The following ERMARD variants were observed in gnomAD, a reference collection of about 807,000 sequenced individuals.
The protein encoded by ERMARD is ER membrane associated RNA degradation.
Under a neutral mutation model 83.9 loss-of-function variants are expected in ERMARD, and 71 were observed. That is an observed-to-expected ratio of 0.85 (90% CI 0.70 to 1.03). The LOEUF (loss-of-function observed/expected upper bound fraction) is 1.03. Among genes scored for constraint, ERMARD ranks in the 50% least tolerant of loss-of-function variants. The probability of loss-of-function intolerance (pLI) is 0.00; values close to 1 mark genes in which losing one functional copy is unlikely to be tolerated. For missense variants in ERMARD, 838 were observed against 810.9 expected, an observed-to-expected ratio of 1.03 and a Z score of -0.41; for synonymous variants, 284 against 298.6, an observed-to-expected ratio of 0.95 and a Z score of 0.50.
intron 11 of ERMARD, among the ~76,000 whole-genome samples, chr6:169,768,690 C>T (rs1792514593): frequency 6.6e-6 from 1 of 152,146 alleles, no homozygotes; most frequent in African/African-American, 2.4e-5. Context: ...GGCTTGAACC[C>T]AGGAGGCAGA....
At chr6:169,771,749 C>T (rs1261657092) in intron 12 of ERMARD, 1 of 152,098 alleles carries the variant, frequency 6.6e-6, no homozygotes, top group Non-Finnish European at 1.5e-5. Context: ...GAAATATGTT[C>T]CACAGTCCAG....
At chr6:169,760,462 G>C (rs111521082) in intron 7 of ERMARD, among the ~76,000 whole-genome samples, 180 bp from the exon 8 acceptor site, 1 of 152,220 alleles carries the variant, frequency 6.6e-6, no homozygotes, top group East Asian at 1.9e-4. Context: ...CTTTCCAAGG[G>C]TCACCTGCAC....
Position 169,775,969 on chromosome 6 carries a change from G to A in ERMARD, c.1424G>A (p.Cys475Tyr). Residue 475 changes from cysteine to tyrosine, a missense_variant, in exon 15 of 18, where the codon TGC (cysteine) becomes TAC (tyrosine). Transcript: ENST00000366773. ...GAAGATAATTCTGAAACAAATGCCTGCCACTCTTTGATTACAAAAATGACG... is the reference window on the plus strand; with the variant it reads ...GAAGATAATTCTGAAACAAATGCCTACCACTCTTTGATTACAAAAATGACG... ...RLEDNSETNA[C>Y]HSLITKMTDE... 1.2e-6 allele frequency: 2 copies of A among 1,614,058 alleles called. No homozygotes were observed. Among genetic ancestry groups the A allele is most frequent in the South Asian group, 1.1e-5 (1 of 91,040 alleles).
chr6:169,773,073 G>T, intron 12 of ERMARD: 3 of 413,062 alleles, frequency 7.3e-6, no homozygotes, highest in Non-Finnish European at 8.5e-6. Context: ...CCAGTTTTGT[G>T]CACAGAGGGT....
In ERMARD at chr6:169,781,538, A is replaced by C. The variant is rs769320611; in HGVS notation, c.*25A>C. Reference sequence around the variant, plus strand: ...AAAACTTGTAAGTCAGGATGCTTTTAATTTTAACAGATTTTAACAGCGTGT... The same window carrying C: ...AAAACTTGTAAGTCAGGATGCTTTTCATTTTAACAGATTTTAACAGCGTGT... On this transcript the variant is annotated 3_prime_UTR_variant, in exon 18 of 18. Transcript: ENST00000366773. 3.2e-6 allele frequency: 5 copies of C among 1,568,100 alleles called. No individual in the cohort carries two copies. Among genetic ancestry groups the C allele is most frequent in the Non-Finnish European group, 3.5e-6 (4 of 1,158,326 alleles).
rs772319921 is a variant in ERMARD, at chr6:169,776,644, G to A, written c.1710G>A (p.Gln570=). The change falls in exon 16 of 18, where the codon CAG becomes CAA. Residue 570 remains glutamine, a synonymous_variant. Transcript: ENST00000366773. ...TGGAAAGGACGCTGCGGTCTCGCCA[G>A]CGGCAGAACTACCTGCGTATGTGGA... ...QWVERTLRSR[Q]RQNYLRMWSS... The A allele has an allele frequency of 1.9e-6, 3 of 1,614,072 alleles. No individual in the cohort carries two copies. The highest frequency in any genetic ancestry group is 1.7e-5 in the Admixed American group (1 of 60,030).
chr6:169,770,296 A>G (rs1792745002), intron 12 of ERMARD: 1 of 152,102 alleles, frequency 6.6e-6, no homozygotes, highest in African/African-American at 2.4e-5. Flanking sequence ...TTGCTACCAC[A>G]TTTTTGCTAT....
In ERMARD at chr6:169,775,270, G is replaced by A. The variant is rs1039278905; in HGVS notation, c.1318G>A (p.Val440Met). ...CHPVFQLKKQ[V>M]LSCEESIRVW... ...AAAGCAATAAAACATTTCCTCCCAGGTGCTGAGCTGTGAGGAGAGCATCAG... is the reference window on the plus strand; with the variant it reads ...AAAGCAATAAAACATTTCCTCCCAGATGCTGAGCTGTGAGGAGAGCATCAG... Residue 440 changes from valine (V) to methionine (M), a missense_variant and splice_region_variant, in exon 14 of 18, where the codon GTG becomes ATG. Coordinates refer to ENST00000366773, the MANE Select transcript of ERMARD (RefSeq NM_018341.3). 1 of 1,613,938 alleles carries A rather than the reference G, an allele frequency of 6.2e-7. No homozygotes were observed. Among genetic ancestry groups the A allele is most frequent in the African/African-American group, 1.3e-5 (1 of 74,916 alleles).
At chr6:169,768,223 C>A in intron 11 of ERMARD, 52 bp downstream of exon 11, 1 of 1,480,188 alleles carries the variant, frequency 6.8e-7, no homozygotes, top group Non-Finnish European at 9.4e-7. Context: ...TGGATGTCGT[C>A]AGCACTTCTC....
rs1023695267 is a variant in ERMARD at position 169,758,937 on chromosome 6, A to G, written c.508-31A>G. 3 of 1,558,264 alleles carry G rather than the reference A, an allele frequency of 1.9e-6. No homozygotes were observed. The African/African-American group carries it at 4.1e-5, about 21-fold the overall frequency. On this transcript the variant is annotated intron_variant, in intron 5 of 17. Coordinates refer to ENST00000366773, the MANE Select transcript of ERMARD (RefSeq NM_018341.3). ...ATATTGGTTTATTCAGTAATTCAGT[A>G]TAATTAACTATGTAATGATTTGCGG...
At chr6:169,754,527 T>C (rs1470513574) in intron 2 of ERMARD, among the ~76,000 whole-genome samples, 2 of 152,192 alleles carry the variant, frequency 1.3e-5, no homozygotes, top group African/African-American at 4.8e-5. Context: ...GATACAGATA[T>C]GAAAATGTGT....
At position 169,773,421 on chromosome 6, in the gene ERMARD, C is replaced by T. The variant is rs1383931898; in HGVS notation, c.1317+19C>T. On this transcript the variant is annotated intron_variant, in intron 13 of 17. Coordinates refer to ENST00000366773, the MANE Select transcript of ERMARD (RefSeq NM_018341.3). The stretch of plus-strand genomic sequence containing the variant: ...AAAACAGGTATGCCAAATGCAGGGT[C>T]CCGGGAGGGGCGTGTATGTCTCTGA... 3.1e-6 allele frequency: 5 copies of T among 1,612,768 alleles called. No individual in the cohort carries two copies. The highest frequency in any genetic ancestry group is 1.1e-5 in the South Asian group (1 of 90,990).
At position 169,767,452 on chromosome 6, in the gene ERMARD, T is replaced by C. The variant is rs534242581; in HGVS notation, c.991-651T>C. ...GTGAGTTAAGAAATGACTTTGGAAG[T>C]GACTCTAATGTGTACACAAACAACA... On this transcript the variant is annotated intron_variant, in intron 10 of 17. Transcript: ENST00000366773. 375 of 152,578 alleles carry C rather than the reference T, an allele frequency of 2.5e-3. 1 individual carries two copies. Among genetic ancestry groups the C allele is most frequent in the Admixed American group, 5.4e-3 (82 of 15,320 alleles). The allele number at this position is 152,578 out of a possible 1,614,324, so 9.5% of individuals were successfully genotyped here. A position where few individuals can be genotyped will look rare whatever the true frequency, so the allele number is the denominator to read the frequency against.
rs777124768 is a variant in ERMARD at position 169,769,636 on chromosome 6, A to G, written c.1156A>G (p.Thr386Ala). 2 of 1,613,208 alleles carry G rather than the reference A, an allele frequency of 1.2e-6. No individual in the cohort carries two copies. Among genetic ancestry groups the G allele is most frequent in the East Asian group, 2.2e-5 (1 of 44,866 alleles). Residue 386 changes from threonine (T) to alanine (A), a missense_variant, in exon 12 of 18, where the codon ACA (threonine) becomes GCA (alanine). By Grantham distance (58) the Thr-to-Ala change is moderately conservative (BLOSUM62 0). Coordinates refer to ENST00000366773, the MANE Select transcript of ERMARD (RefSeq NM_018341.3). ...CAACTTACATGAATTTTCAAAAGAA[A>G]CAACTAATCAGTTGCTTGCATTTTC... ...EINLHEFSKETTNQLLAFSLV... is the reference protein window; with the variant it reads ...EINLHEFSKEATNQLLAFSLV...
In ERMARD at chr6:169,760,739, C is replaced by G. The variant is rs765373004; in HGVS notation, c.840C>G (p.Val280=). ...IMLPYWEVAL[V]KFKSHRFADC... ...TACCATATTGGGAAGTTGCACTGGT[C>G]AAGTTCAAGTCACACAGGTAACTAA... Residue 280 remains valine (V), a synonymous_variant, in exon 8 of 18, where the codon GTC becomes GTG. Coordinates refer to ENST00000366773, the MANE Select transcript of ERMARD (RefSeq NM_018341.3). 1.9e-6 allele frequency: 3 copies of G among 1,613,024 alleles called. No homozygotes were observed.
At position 169,762,487 on chromosome 6, in the gene ERMARD, T is replaced by A; in HGVS notation, c.916T>A (p.Phe306Ile). 1 of 1,614,228 alleles carries A rather than the reference T, an allele frequency of 6.2e-7. No individual in the cohort carries two copies. Among genetic ancestry groups the A allele is most frequent in the Non-Finnish European group, 8.5e-7 (1 of 1,180,048 alleles). Reference protein sequence around the residue: ...TQLETGLRNVFATLNRCPKRL... With the variant: ...TQLETGLRNVIATLNRCPKRL... ...ACTGGAGACTGGACTTAGGAATGTT[T>A]TTGCCACACTTAACAGATGTCCAAA... Residue 306 changes from phenylalanine (F) to isoleucine (I), a missense_variant, in exon 9 of 18, where the codon TTT becomes ATT. Transcript: ENST00000366773.
chr6:169,779,376 C>A, intron 17 of ERMARD, 81 bp downstream of exon 17: 2 of 1,234,502 alleles, frequency 1.6e-6, no homozygotes, highest in Non-Finnish European at 2.4e-6. Flanking sequence ...GAGATTGGGG[C>A]AGTGTGAGTG....
intron 5 of ERMARD, 113 bp downstream of exon 5, chr6:169,756,921 A>G (rs1271685657): frequency 8.5e-6 from 8 of 940,794 alleles, no homozygotes; most frequent in East Asian, 4.9e-5. Context: ...ACGGTTTCAC[A>G]TGGCTGAGGA....
Position 169,769,784 on chromosome 6 carries a change from A to G in ERMARD, c.1233+71A>G, listed in dbSNP as rs552962605. 3.7e-5 allele frequency: 50 copies of G among 1,358,282 alleles called. No homozygotes were observed. The African/African-American group carries it at 5.6e-4, about 15-fold the overall frequency. The allele number at this position is 1,358,282 out of a possible 1,614,324, so 84.1% of individuals were successfully genotyped here. Reference sequence around the variant, plus strand: ...CTATGAAAATATAGTTTATTTTTCAAATGTAATTAACTGTTAATCATCTTT... The same window carrying G: ...CTATGAAAATATAGTTTATTTTTCAGATGTAATTAACTGTTAATCATCTTT... On this transcript the variant is annotated intron_variant, in intron 12 of 17. Transcript: ENST00000366773.
Sources: allele counts gnomAD v4.1 joint callset (sites outside exome capture counted in the v4.1 genomes callset), GRCh38; gene constraint gnomAD v4.1.1; transcripts MANE v1.5; gene names NCBI Gene and HGNC (gene_info 2026-07-23, HGNC 2026-07-21).